SYNRG: variants seen among roughly 807,000 people sequenced by gnomAD.
The protein encoded by SYNRG is synergin gamma, also known as AP1 gamma subunit binding protein 1.
In SYNRG, 37 loss-of-function variants were observed where a neutral mutation model predicts 130.9. The observed-to-expected ratio is 0.28, with a 90% CI of 0.22 to 0.37. SYNRG has a LOEUF of 0.37. Among genes scored for constraint, SYNRG ranks in the 10% least tolerant of loss-of-function variants. SYNRG has a pLI of 1.00. For missense variants in SYNRG, 1,338 were observed against 1,588.9 expected (o/e 0.84, Z 2.68); for synonymous variants, 539 against 568.1 (o/e 0.95, Z 0.73).
At chr17:37,565,771 C>T (rs2059909009) in intron 11 of SYNRG, among the ~76,000 whole-genome samples, 1 of 151,362 alleles carries the variant, frequency 6.6e-6, no homozygotes. Flanking sequence ...CTCTGCCCGG[C>T]CGCCCCGTCT....
At chr17:37,536,251 T>G in intron 18 of SYNRG, 124 bp from the exon 19 acceptor site, 1 of 1,181,958 alleles carries the variant, frequency 8.5e-7, no homozygotes, top group South Asian at 1.7e-5. Context: ...AGAGGTGTAC[T>G]TACTATTCTT....
chr17:37,593,429 T>G (rs887770404), intron 3 of SYNRG, among the ~76,000 whole-genome samples: 2 of 151,788 alleles, frequency 1.3e-5, no homozygotes, highest in Non-Finnish European at 2.9e-5. Context: ...AAGACTAAAT[T>G]TTTTTATGTT....
chr17:37,597,685 A>G (rs945882650), intron 2 of SYNRG, among the ~76,000 whole-genome samples: 2 of 152,212 alleles, frequency 1.3e-5, no homozygotes, highest in Non-Finnish European at 2.9e-5. Context: ...TGTTTCCCAA[A>G]CTTTTCCAAG....
intron 15 of SYNRG, 91 bp from the exon 16 acceptor site, chr17:37,540,634 T>C: frequency 3.6e-6 from 4 of 1,107,236 alleles, no homozygotes; most frequent in African/African-American, 1.6e-5. Context: ...CCTCTTCTTT[T>C]TTTTTTTTTT....
chr17:37,535,827 G>C, intron 19 of SYNRG, 152 bp downstream of exon 19: 1 of 1,064,212 alleles, frequency 9.4e-7, no homozygotes, highest in Non-Finnish European at 1.4e-6. Flanking sequence ...CTGTTCAACT[G>C]ACCACACACC....
rs1432616373 is a variant in SYNRG at position 37,525,757 on chromosome 17, G to GAA, written c.3667-5110_3667-5109insTT. 6.9e-3 allele frequency among the ~76,000 whole-genome samples: 1,057 copies of GAA among 152,306 alleles called. 14 individuals carry two copies. Among genetic ancestry groups the GAA allele is most frequent in the African/African-American group, 0.024 (1,006 of 41,572 alleles). Reference sequence around the variant, plus strand: ...CCAAGGCGGGCGGATCACGAGGTCAGGCTTTGGAGACCAGCCTGGCCAACA... The same window carrying GAA: ...CCAAGGCGGGCGGATCACGAGGTCAGAAGCTTTGGAGACCAGCCTGGCCAACA... On this transcript the variant is annotated intron_variant, in intron 19 of 21. Coordinates refer to ENST00000612223, the MANE Select transcript of SYNRG (RefSeq NM_007247.6).
chr17:37,589,046 T>A (rs1159948940), intron 3 of SYNRG, among the ~76,000 whole-genome samples: 1 of 152,192 alleles, frequency 6.6e-6, no homozygotes, highest in East Asian at 1.9e-4. Context: ...ATATACTGAA[T>A]GGATGACATA....
In SYNRG at chr17:37,577,694, T is replaced by C. The variant is rs377071699; in HGVS notation, c.590-81A>G. The C allele has an allele frequency of 3.0e-3, 2,810 of 942,724 alleles. 12 individuals carry two copies. The highest frequency in any genetic ancestry group is 0.027 in the Middle Eastern group (81 of 3,004). 58.4% of individuals were successfully genotyped at this position (942,724 alleles called of 1,614,324 possible). A position where few individuals can be genotyped will look rare whatever the true frequency, so the allele number is the denominator to read the frequency against. On this transcript the variant is annotated intron_variant, in intron 6 of 21. Transcript: ENST00000612223. ...TAACCATCCATCTCCACCCCCATAT[T>C]CTTTTTTTTTTTTTTTTTTTTTGAG...
Position 37,518,204 on chromosome 17 carries a change from T to G in SYNRG, c.*736A>C, listed in dbSNP as rs2054571996. ...AGTCTTTGCATGCGGCAGAACAGGT[T>G]TGCAGCGAAGGCTCCCGGGGGGAAG... On this transcript the variant is annotated 3_prime_UTR_variant, in exon 22 of 22. Transcript: ENST00000612223. 1 of 152,206 alleles carries G rather than the reference T, an allele frequency of 6.6e-6. No individual in the cohort carries two copies. The highest frequency in any genetic ancestry group is 1.5e-5 in the Non-Finnish European group (1 of 68,058). The allele number at this position is 152,206 out of a possible 1,614,324, so 9.4% of individuals were successfully genotyped here. A position where few individuals can be genotyped will look rare whatever the true frequency, so the allele number is the denominator to read the frequency against.
At chr17:37,583,947 C>A (rs1213976881) in intron 6 of SYNRG, among the ~76,000 whole-genome samples, 1 of 152,186 alleles carries the variant, frequency 6.6e-6, no homozygotes, top group Non-Finnish European at 1.5e-5. Context: ...CCACCTGCCT[C>A]GGCCTCCCAA....
At chr17:37,520,336 G>A in intron 20 of SYNRG, 122 bp from the exon 21 acceptor site, 1 of 1,340,402 alleles carries the variant, frequency 7.5e-7, no homozygotes, top group South Asian at 1.2e-5. Flanking sequence ...GGGTGCTGCA[G>A]GCATGAGAGC....
intron 16 of SYNRG, among the ~76,000 whole-genome samples, chr17:37,540,115 T>C (rs1251656812): frequency 6.6e-6 from 1 of 152,250 alleles, no homozygotes; most frequent in African/African-American, 2.4e-5. Context: ...AGAAGAATTA[T>C]ACAAACACTG....
chr17:37,534,101 AT>A (rs747899902), intron 19 of SYNRG, among the ~76,000 whole-genome samples: 221 of 137,534 alleles, frequency 1.6e-3, no homozygotes, highest in Middle Eastern at 7.5e-3. Flanking sequence ...TGGCCAGCTA[AT>A]TTTTTTTTTT....
chr17:37,534,293 T>C (rs1466286229), intron 19 of SYNRG, among the ~76,000 whole-genome samples: 2 of 152,078 alleles, frequency 1.3e-5, no homozygotes, highest in Non-Finnish European at 2.9e-5. Context: ...TTGTTATGAA[T>C]TTTTGCCAAA....
At chr17:37,548,078 C>A (rs1168466845) in intron 14 of SYNRG, among the ~76,000 whole-genome samples, 1 of 152,154 alleles carries the variant, frequency 6.6e-6, no homozygotes, top group Non-Finnish European at 1.5e-5. Flanking sequence ...TACATTCAGT[C>A]ATTTTCTGCA....
rs756752384 is a variant in SYNRG at position 37,575,248 on chromosome 17, AG to A, written c.901+1092del. Among the ~76,000 whole-genome samples, 4 of 152,158 alleles carry A rather than the reference AG, an allele frequency of 2.6e-5. No individual in the cohort carries two copies. In the South Asian group the frequency reaches 6.2e-4, roughly 24 times the overall value. On this transcript the variant is annotated intron_variant, in intron 8 of 21. Transcript: ENST00000612223. ...AGATCTAGTATTTGATAGCACTACAAGGTAGCTACAGTCAACAATAATTTAT... is the reference window on the plus strand; with the variant it reads ...AGATCTAGTATTTGATAGCACTACAAGTAGCTACAGTCAACAATAATTTAT...
Position 37,585,444 on chromosome 17 carries a change from G to A in SYNRG, c.372-14C>T, listed in dbSNP as rs2061620273. On this transcript the variant is annotated splice_polypyrimidine_tract_variant and intron_variant, in intron 4 of 21. Transcript: ENST00000612223. ...TCAAATCGTTTCCTGAAGGAAAAAT[G>A]ATCTAATAAAGAACCAGCTCCCGGG... 1.3e-6 allele frequency: 2 copies of A among 1,588,628 alleles called. No homozygotes were observed. Among genetic ancestry groups the A allele is most frequent in the Non-Finnish European group, 8.6e-7 (1 of 1,160,506 alleles).
intron 13 of SYNRG, among the ~76,000 whole-genome samples, chr17:37,554,365 A>G (rs1308920879): frequency 6.6e-6 from 1 of 152,104 alleles, no homozygotes; most frequent in Non-Finnish European, 1.5e-5. Flanking sequence ...TACTCCTCTC[A>G]AGACTTTTTG....
At chr17:37,584,581 G>A (rs1206480544) in intron 6 of SYNRG, 67 bp downstream of exon 6, 1 of 1,261,418 alleles carries the variant, frequency 7.9e-7, no homozygotes, top group South Asian at 1.2e-5. Flanking sequence ...TAATGGCGAG[G>A]TAAAGAAACA....
Sources: gnomAD v4.1 joint callset for allele counts (sites outside exome capture counted in the v4.1 genomes callset) on GRCh38, gnomAD v4.1.1 for gene constraint, MANE v1.5 for transcripts, NCBI Gene and HGNC (gene_info 2026-07-23, HGNC 2026-07-21) for gene names.